Variants in GABRB1 observed in about 807,000 individuals in gnomAD.
The protein encoded by GABRB1 is gamma-aminobutyric acid receptor subunit beta-1.
GABRB1 carries 17 observed loss-of-function variants against 51.6 expected under a neutral mutation model. The observed-to-expected ratio is 0.33, with a 90% CI of 0.23 to 0.49. The LOEUF is 0.49. GABRB1 is among the 20% of genes least tolerant of loss of function. The probability of loss-of-function intolerance (pLI) is 0.99; values close to 1 mark genes in which losing one functional copy is unlikely to be tolerated. For synonymous variants in GABRB1, 247 were observed against 218.9 expected (o/e 1.13, Z -1.14); for missense variants, 410 against 600.6 (o/e 0.68, Z 3.32).
intron 5 of GABRB1, among the ~76,000 whole-genome samples, chr4:47,394,398 A>G (rs757286109): frequency 7.2e-5 from 11 of 152,170 alleles, no homozygotes; most frequent in African/African-American, 1.9e-4. Context: ...TAATTATTCT[A>G]TGTTTCTAAC....
intron 4 of GABRB1, among the ~76,000 whole-genome samples, chr4:47,266,318 T>A (rs1722638067): frequency 6.6e-6 from 1 of 152,162 alleles, no homozygotes; most frequent in Non-Finnish European, 1.5e-5. Flanking sequence ...TTGTTTTGGT[T>A]ACTGTTGCCT....
At chr4:47,163,150 TTTG>T (rs1249575332) in intron 4 of GABRB1, among the ~76,000 whole-genome samples, 1 of 152,056 alleles carries the variant, frequency 6.6e-6, no homozygotes, top group African/African-American at 2.4e-5. Flanking sequence ...ATTATGTAAA[TTTG>T]TTAAGACTTA....
chr4:47,368,102 T>A (rs115543699), intron 5 of GABRB1, among the ~76,000 whole-genome samples: 2 of 152,170 alleles, frequency 1.3e-5, no homozygotes, highest in Non-Finnish European at 2.9e-5. Context: ...ATATTATATC[T>A]CTACTACCAT....
At chr4:47,406,020 G>A (rs1027652808) in intron 7 of GABRB1, among the ~76,000 whole-genome samples, 1 of 152,072 alleles carries the variant, frequency 6.6e-6, no homozygotes, top group South Asian at 2.1e-4. Flanking sequence ...CTAGGTTCTG[G>A]AACCAAGAAA....
At chr4:47,174,621 ATT>A (rs67872250) in intron 4 of GABRB1, among the ~76,000 whole-genome samples, 3 of 151,448 alleles carry the variant, frequency 2.0e-5, no homozygotes, top group Non-Finnish European at 4.4e-5. Context: ...GACTTAGATG[ATT>A]TTTTTTTTAC....
intron 4 of GABRB1, among the ~76,000 whole-genome samples, chr4:47,308,230 T>C (rs1319088040): frequency 2.6e-5 from 4 of 152,052 alleles, no homozygotes; most frequent in East Asian, 3.9e-4. Flanking sequence ...TAAGATTCAA[T>C]GCGAAGGAAA....
intron 5 of GABRB1, among the ~76,000 whole-genome samples, chr4:47,370,180 T>C (rs1284022178): frequency 6.6e-6 from 1 of 152,176 alleles, no homozygotes; most frequent in Non-Finnish European, 1.5e-5. Context: ...AAAAAATCTT[T>C]CTGCATCTTA....
intron 1 of GABRB1, among the ~76,000 whole-genome samples, chr4:47,020,972 G>A (rs916787080): frequency 3.3e-5 from 5 of 152,132 alleles, no homozygotes; most frequent in African/African-American, 1.2e-4. Context: ...CTTTGCACTT[G>A]CAGTTTTCTG....
intron 3 of GABRB1, among the ~76,000 whole-genome samples, chr4:47,059,533 G>A (rs1726760018): frequency 6.6e-6 from 1 of 152,032 alleles, no homozygotes; most frequent in African/African-American, 2.4e-5. Context: ...ATTTTATGGT[G>A]TCTGAGGATT....
At chr4:47,232,494 G>C (rs772852037) in intron 4 of GABRB1, among the ~76,000 whole-genome samples, 2 of 151,890 alleles carry the variant, frequency 1.3e-5, no homozygotes, top group Non-Finnish European at 2.9e-5. Flanking sequence ...CCATGATCAC[G>C]CACTTTTGTG....
At chr4:47,387,204 A>T (rs1011241266) in intron 5 of GABRB1, among the ~76,000 whole-genome samples, 1 of 152,214 alleles carries the variant, frequency 6.6e-6, no homozygotes, top group African/African-American at 2.4e-5. Flanking sequence ...GTGACTCATG[A>T]CTGTAATCCC....
chr4:47,210,007 C>T (rs538704778), intron 4 of GABRB1, among the ~76,000 whole-genome samples: 3 of 152,102 alleles, frequency 2.0e-5, no homozygotes, highest in Middle Eastern at 3.4e-3. Flanking sequence ...AATTTCCTGC[C>T]GTCAGGATGA....
intron 3 of GABRB1, among the ~76,000 whole-genome samples, chr4:47,106,725 A>C (rs2109618380): frequency 6.6e-6 from 1 of 152,150 alleles, no homozygotes; most frequent in Non-Finnish European, 1.5e-5. Flanking sequence ...CATATTACTC[A>C]GAAGCCTCCC....
intron 3 of GABRB1, among the ~76,000 whole-genome samples, chr4:47,075,813 C>T (rs976909456): frequency 2.6e-5 from 4 of 152,076 alleles, no homozygotes; most frequent in African/African-American, 9.7e-5. Context: ...TTAAGGATAT[C>T]GAGATTAGGA....
chr4:46,996,589 C>G (rs963594227), intron 1 of GABRB1, among the ~76,000 whole-genome samples: 1 of 152,062 alleles, frequency 6.6e-6, no homozygotes, highest in South Asian at 2.1e-4. Context: ...TAGTATGGAC[C>G]AACATTTTAA....
In GABRB1 at chr4:47,417,450, T is replaced by C. The variant is rs1728965825; in HGVS notation, c.1081-8224T>C. ...AGCATCAGCAGAACCTCCCATCTCCTCCCCCCGAGAAAAGGTTTCAGGAAT... is the reference window on the plus strand; with the variant it reads ...AGCATCAGCAGAACCTCCCATCTCCCCCCCCCGAGAAAAGGTTTCAGGAAT... On this transcript the variant is annotated intron_variant, in intron 8 of 8. Coordinates refer to ENST00000295454, the MANE Select transcript of GABRB1 (RefSeq NM_000812.4). Among the ~76,000 whole-genome samples, 3 of 151,054 alleles carry C rather than the reference T, an allele frequency of 2.0e-5. No homozygotes were observed. In the South Asian group the frequency reaches 6.4e-4, roughly 32 times the overall value.
At chr4:47,420,236 G>A (rs1202876746) in intron 8 of GABRB1, among the ~76,000 whole-genome samples, 1 of 152,142 alleles carries the variant, frequency 6.6e-6, no homozygotes, top group African/African-American at 2.4e-5. Context: ...AAGGCACGGA[G>A]CCTAGAATGC....
chr4:47,140,505 G>A (rs1247023847), intron 3 of GABRB1, among the ~76,000 whole-genome samples: 1 of 151,896 alleles, frequency 6.6e-6, no homozygotes, highest in Non-Finnish European at 1.5e-5. Context: ...CTGAAAAAAG[G>A]ATAGAATTGT....
At chr4:47,014,920 T>G (rs866377025) in intron 1 of GABRB1, among the ~76,000 whole-genome samples, 139 of 128,310 alleles carry the variant, frequency 1.1e-3, no homozygotes, top group Middle Eastern at 4.0e-3. Flanking sequence ...ATTTATTTAT[T>G]TATTGAGACG....
Sources: allele counts gnomAD v4.1 joint callset (sites outside exome capture counted in the v4.1 genomes callset), GRCh38; gene constraint gnomAD v4.1.1; transcripts MANE v1.5; gene names NCBI Gene and HGNC (gene_info 2026-07-23, HGNC 2026-07-21).